Variants in ANKRD36 observed in about 807,000 individuals in gnomAD.
The protein encoded by ANKRD36 is ankyrin repeat domain 36.
In ANKRD36, 179 loss-of-function variants were observed where a neutral mutation model predicts 278.1. That is an observed-to-expected ratio of 0.64 (90% CI 0.57 to 0.73). The LOEUF is 0.73. Among genes scored for constraint, ANKRD36 ranks in the 30% least tolerant of loss-of-function variants. The pLI is 0.00. For missense variants in ANKRD36, 1,159 were observed against 1,956.7 expected (o/e 0.59, Z 7.69); for synonymous variants, 320 against 641.1 (o/e 0.50, Z 7.57).
intron 22 of ANKRD36, among the ~76,000 whole-genome samples, chr2:97,177,088 G>C (rs2054493923): frequency 6.6e-6 from 1 of 151,612 alleles, no homozygotes; most frequent in African/African-American, 2.4e-5. Flanking sequence ...TTGCTTCAAA[G>C]AGAATAAAAT....
chr2:97,177,122 G>A (rs545505495), intron 22 of ANKRD36, among the ~76,000 whole-genome samples: 14 of 151,706 alleles, frequency 9.2e-5, no homozygotes, highest in Non-Finnish European at 1.9e-4. Context: ...ACTTACAAGG[G>A]ATGTGAAGGA....
Position 97,158,273 on chromosome 2 carries a change from G to T in ANKRD36, c.1321+106G>T. 4 of 1,299,768 alleles carry T rather than the reference G, an allele frequency of 3.1e-6. No individual in the cohort carries two copies. The Admixed American group carries it at 6.6e-5, about 21-fold the overall frequency. The allele number at this position is 1,299,768 out of a possible 1,614,324, so 80.5% of individuals were successfully genotyped here. A position where few individuals can be genotyped will look rare whatever the true frequency, so the allele number is the denominator to read the frequency against. On this transcript the variant is annotated intron_variant, in intron 16 of 75. Transcript: ENST00000420699. ...CAGAGTGTTACTCACTGTTGCCCAG[G>T]CTGGAGTGCAGTGGCATGATCTTGG... is the stretch of plus-strand genomic sequence containing the variant.
chr2:97,230,320 G>A (rs1177594116), intron 67 of ANKRD36, among the ~76,000 whole-genome samples: 1 of 152,032 alleles, frequency 6.6e-6, no homozygotes, highest in African/African-American at 2.4e-5. Flanking sequence ...CATATTTCTT[G>A]GAGGCTTTGT....
intron 51 of ANKRD36, 44 bp downstream of exon 51, chr2:97,206,012 T>G (rs1369495330): frequency 5.2e-6 from 8 of 1,544,398 alleles, no homozygotes; most frequent in Admixed American, 3.9e-5. Context: ...TAATATATGG[T>G]CTATGAAACA....
chr2:97,200,654 A>C, intron 46 of ANKRD36, 129 bp downstream of exon 46: 1 of 1,435,516 alleles, frequency 7.0e-7, no homozygotes, highest in Non-Finnish European at 9.3e-7. Flanking sequence ...CTTCTTTTCT[A>C]ACAAGTTCTT....
intron 46 of ANKRD36, among the ~76,000 whole-genome samples, chr2:97,201,667 T>G (rs2061411220): frequency 6.6e-6 from 1 of 151,894 alleles, no homozygotes; most frequent in South Asian, 2.1e-4. Flanking sequence ...CAAAGAGGTA[T>G]CCAAGGTGAT....
intron 34 of ANKRD36, among the ~76,000 whole-genome samples, chr2:97,189,618 A>G (rs546474869): frequency 1.1e-5 from 1 of 88,064 alleles, no homozygotes; most frequent in South Asian, 2.6e-4. Context: ...GGGTGGAAGA[A>G]GAAAGAGAGG....
At chr2:97,186,484 T>G (rs1323019402) in intron 30 of ANKRD36, among the ~76,000 whole-genome samples, 1 of 150,574 alleles carries the variant, frequency 6.6e-6, no homozygotes, top group Admixed American at 6.7e-5. Context: ...TATGTCAAAA[T>G]TGATAATTGA....
intron 10 of ANKRD36, among the ~76,000 whole-genome samples, 179 bp from the exon 11 acceptor site, chr2:97,146,307 A>G (rs1202898320): frequency 6.6e-6 from 1 of 150,660 alleles, no homozygotes; most frequent in Non-Finnish European, 1.5e-5. Flanking sequence ...AAATAAAGAT[A>G]GCGTGTTTCT....
At chr2:97,214,126 G>A (rs1473575674) in intron 60 of ANKRD36, among the ~76,000 whole-genome samples, 29 of 149,982 alleles carry the variant, frequency 1.9e-4, no homozygotes, top group Non-Finnish European at 4.0e-4. Context: ...TGTAATTTTG[G>A]GGTTTCTGCT....
chr2:97,227,279 G>A (rs1309753876), intron 67 of ANKRD36, among the ~76,000 whole-genome samples: 1 of 152,114 alleles, frequency 6.6e-6, no homozygotes, highest in Admixed American at 6.5e-5. Context: ...TCTTCCATTT[G>A]TTTGTATCCT....
chr2:97,133,705 A>T (rs563485411), intron 6 of ANKRD36, among the ~76,000 whole-genome samples: 1 of 152,194 alleles, frequency 6.6e-6, no homozygotes, highest in South Asian at 2.1e-4. Flanking sequence ...ATATGTTAAT[A>T]TAGCAATATA....
At chr2:97,228,211 G>T (rs1280744409) in intron 67 of ANKRD36, among the ~76,000 whole-genome samples, 5 of 152,216 alleles carry the variant, frequency 3.3e-5, no homozygotes, top group African/African-American at 1.2e-4. Flanking sequence ...AGAAGGAAGG[G>T]TACCACTTCC....
At chr2:97,189,383 C>G in intron 34 of ANKRD36, 93 bp downstream of exon 34, 4 of 571,970 alleles carry the variant, frequency 7.0e-6, no homozygotes, top group South Asian at 4.6e-5. Context: ...GGGTGGGGGG[C>G]TCGCCTAATC....
At chr2:97,200,810 G>A (rs376525408) in intron 46 of ANKRD36, among the ~76,000 whole-genome samples, 2 of 151,988 alleles carry the variant, frequency 1.3e-5, no homozygotes, top group African/African-American at 4.8e-5. Context: ...CTTTAATTCT[G>A]TAGCATCTTT....
intron 67 of ANKRD36, among the ~76,000 whole-genome samples, chr2:97,225,402 A>G (rs554669738): frequency 5.9e-5 from 9 of 152,082 alleles, no homozygotes; most frequent in Non-Finnish European, 1.3e-4. Flanking sequence ...GGCTATCAAG[A>G]GAATTATACC....
At chr2:97,114,102 G>A (rs1401422920) in intron 1 of ANKRD36, among the ~76,000 whole-genome samples, 166 bp downstream of exon 1, 2 of 142,122 alleles carry the variant, frequency 1.4e-5, no homozygotes, top group African/African-American at 5.4e-5. Context: ...GGCCTGGGGA[G>A]TGGCGGTATA....
At chr2:97,125,048 T>A (rs1460934959) in intron 5 of ANKRD36, among the ~76,000 whole-genome samples, 1 of 151,572 alleles carries the variant, frequency 6.6e-6, no homozygotes, top group Non-Finnish European at 1.5e-5. Flanking sequence ...CCTAAGGGGT[T>A]CCCTAAGTCC....
intron 60 of ANKRD36, among the ~76,000 whole-genome samples, chr2:97,214,037 A>C (rs1289957699): frequency 6.6e-6 from 1 of 151,164 alleles, no homozygotes; most frequent in Admixed American, 6.6e-5. Flanking sequence ...AGAACTAAGG[A>C]GACCACTGAT....
Sources: gnomAD v4.1 joint callset for allele counts (sites outside exome capture counted in the v4.1 genomes callset) on GRCh38, gnomAD v4.1.1 for gene constraint, MANE v1.5 for transcripts, NCBI Gene and HGNC (gene_info 2026-07-23, HGNC 2026-07-21) for gene names.